The following KMT2C variants were observed in gnomAD, a reference collection of about 807,000 sequenced individuals.
The protein encoded by KMT2C is histone-lysine N-methyltransferase 2C.
In KMT2C, 88 loss-of-function variants were observed where a neutral mutation model predicts 507.9. The observed-to-expected ratio is 0.17, with a 90% CI of 0.15 to 0.21. The LOEUF (loss-of-function observed/expected upper bound fraction) is 0.21. Ranked by LOEUF, KMT2C falls within the 10% of genes least tolerant of loss-of-function variation. KMT2C has a pLI of 1.00. For synonymous variants in KMT2C, 2,049 were observed against 2,080.8 expected (o/e 0.98, Z 0.42); for missense variants, 4,954 against 5,957.8 (o/e 0.83, Z 5.55).
At position 152,220,628 on chromosome 7, in the gene KMT2C, T is replaced by G; in HGVS notation, c.3607A>C (p.Lys1203Gln). 6.2e-7 allele frequency: 1 copy of G among 1,611,968 alleles called. No homozygotes were observed. Among genetic ancestry groups the G allele is most frequent in the Non-Finnish European group, 8.5e-7 (1 of 1,179,808 alleles). ...TVPRRKRSKP[K>Q]LKLKIINQNS... ...TGATTTATAATCTTCAATTTCAATT[T>G]TGGTTTTGACCGTTTTCTTCTTGGA... Residue 1203 changes from lysine (K) to glutamine (Q), a missense_variant, in exon 23 of 59, where the codon AAA (lysine) becomes CAA (glutamine). This residue lies in a region of KMT2C where 176 missense variants were observed against 262.0 expected (regional missense o/e 0.67). Transcript: ENST00000262189.
chr7:152,276,605 T>G (rs1363349303), intron 6 of KMT2C, among the ~76,000 whole-genome samples: 1 of 151,954 alleles, frequency 6.6e-6, no homozygotes, highest in Non-Finnish European at 1.5e-5. Flanking sequence ...ATACAATAAT[T>G]AGGTGGGCAT....
At position 152,162,851 on chromosome 7, in the gene KMT2C, T is replaced by C. The variant is rs566345741; in HGVS notation, c.10726A>G (p.Ile3576Val). The change falls in exon 43 of 59, where the codon ATA (isoleucine) becomes GTA (valine). Residue 3576 changes from isoleucine (I) to valine (V), a missense_variant. Physicochemically the swap from Ile to Val is conservative, Grantham distance 29 (BLOSUM62 3). Coordinates refer to ENST00000262189, the MANE Select transcript of KMT2C (RefSeq NM_170606.3). ...SSLPCGQDST[I>V]THGHSYPGST... The stretch of plus-strand genomic sequence containing the variant: ...CCCGGATAACTGTGTCCATGGGTTA[T>C]AGTAGAATCTTGGCCACATGGGAGA... The C allele has an allele frequency of 1.1e-5, 18 of 1,614,214 alleles. No individual in the cohort carries two copies. The highest frequency in any genetic ancestry group is 8.9e-5 in the East Asian group (4 of 44,882).
chr7:152,254,267 A>G (rs1042876580), intron 9 of KMT2C, among the ~76,000 whole-genome samples: 5 of 140,166 alleles, frequency 3.6e-5, no homozygotes, highest in South Asian at 2.1e-4. Flanking sequence ...ACATACACAT[A>G]TATTTTTTAA....
chr7:152,162,758 T>C lies in KMT2C; in HGVS notation c.10819A>G (p.Thr3607Ala). Residue 3607 changes from threonine to alanine, a missense_variant, in exon 43 of 59, where the codon ACA becomes GCA. By Grantham distance (58) the Thr-to-Ala change is moderately conservative. This residue lies in a region of KMT2C where 801 missense variants were observed against 751.2 expected (regional missense o/e 1.07). Coordinates refer to ENST00000262189, the MANE Select transcript of KMT2C (RefSeq NM_170606.3). The stretch of plus-strand genomic sequence containing the variant: ...TCATCATCTCTTTTCTTCTTTCTTG[T>C]TCTTTTCTTTTTCCCTTTTTCCTCT... ...IPEEKGKKKRTRKKKRDDDAE... is the reference protein window; with the variant it reads ...IPEEKGKKKRARKKKRDDDAE... The C allele has an allele frequency of 6.2e-7, 1 of 1,614,200 alleles. No homozygotes were observed. Among genetic ancestry groups the C allele is most frequent in the Non-Finnish European group, 8.5e-7 (1 of 1,180,028 alleles).
At position 152,180,987 on chromosome 7, in the gene KMT2C, G is replaced by A. The variant is rs2129119470; in HGVS notation, c.6873C>T (p.Ser2291=). Residue 2291 remains serine (S), a synonymous_variant, in exon 36 of 59, where the codon TCC becomes TCT. Transcript: ENST00000262189. ...CATAGGGATCACGGGCAGCAGATGG[G>A]GAAACACGGCTAAATGTGTCTGAAA... ...PGLSDTFSRV[S]PSAARDPYDQ... is the part of the protein sequence containing the mutation. 1 of 1,614,164 alleles carries A rather than the reference G, an allele frequency of 6.2e-7. No homozygotes were observed. The highest frequency in any genetic ancestry group is 8.5e-7 in the Non-Finnish European group (1 of 1,180,016).
intron 6 of KMT2C, among the ~76,000 whole-genome samples, chr7:152,274,122 T>G (rs4024469): frequency 5.6e-5 from 8 of 142,448 alleles, no homozygotes; most frequent in East Asian, 4.2e-4. Context: ...AAAATAAATT[T>G]TGAAGCATTT....
At chr7:152,358,776 ATAAG>A in intron 1 of KMT2C, 101 bp from the exon 2 acceptor site, 1 of 716,462 alleles carries the variant, frequency 1.4e-6, no homozygotes, top group African/African-American at 1.8e-5. Flanking sequence ...GGTATACAAA[ATAAG>A]TAATTAGGGC....
At chr7:152,337,183 T>C (rs1041371271) in intron 2 of KMT2C, among the ~76,000 whole-genome samples, 1 of 152,058 alleles carries the variant, frequency 6.6e-6, no homozygotes, top group Admixed American at 6.6e-5. Flanking sequence ...GGTGGAAGAA[T>C]CACTTGAGCC....
At position 152,148,601 on chromosome 7, in the gene KMT2C, A is replaced by G. The variant is rs2091358223; in HGVS notation, c.13326T>C (p.Thr4442=). Residue 4442 remains threonine, a synonymous_variant, in exon 52 of 59, where the codon ACT becomes ACC. Transcript: ENST00000262189. The surrounding 1 kb of genome is among the most constrained non-coding windows in gnomAD (Gnocchi z 7.1). ...CALWSTEVYE[T]QAGALINVEL... ...CCACATTTATTAAGGCACCAGCCTG[A>G]GTCTCATAGACCTCCGTGGACCACA... 1 of 1,614,214 alleles carries G rather than the reference A, an allele frequency of 6.2e-7. No homozygotes were observed. The highest frequency in any genetic ancestry group is 8.5e-7 in the Non-Finnish European group (1 of 1,180,026).
Position 152,178,172 on chromosome 7 carries a change from T to C in KMT2C, c.7443-162A>G, listed in dbSNP as rs569093446. Among the ~76,000 whole-genome samples, 37 of 152,170 alleles carry C rather than the reference T, an allele frequency of 2.4e-4. 1 individual carries two copies. Among genetic ancestry groups the C allele is most frequent in the African/African-American group, 8.7e-4 (36 of 41,522 alleles). On this transcript the variant is annotated intron_variant, in intron 37 of 58. Transcript: ENST00000262189. ...AAAGCTATCACCATTAAAAAGTATT[T>C]ACAGTATTCATATGCAAGTAAGATT...
chr7:152,137,268 A>T (rs2089963384), intron 58 of KMT2C: 1 of 193,424 alleles, frequency 5.2e-6, no homozygotes, highest in South Asian at 1.2e-4. Flanking sequence ...AAAACCCAGA[A>T]GCCTTTCACC....
Position 152,177,888 on chromosome 7 carries a change from A to G in KMT2C, c.7565T>C (p.Met2522Thr), listed in dbSNP as rs1442855768. The change falls in exon 38 of 59, where the codon ATG becomes ACG. Residue 2522 changes from methionine (M) to threonine (T), a missense_variant. Physicochemically the swap from Met to Thr is moderately conservative, Grantham distance 81 (BLOSUM62 -1). This residue lies in a region of KMT2C where 1,689 missense variants were observed against 1,654.3 expected (regional missense o/e 1.02). Transcript: ENST00000262189. ...TTGTGAGTTATTTAAAGGCCTAGGC[A>G]TATCTACAGATACTGATCTTCTTAG... Reference protein sequence around the residue: ...PQLRRSVSVDMPRPLNNSQMN... With the variant: ...PQLRRSVSVDTPRPLNNSQMN... The G allele has an allele frequency of 3.7e-6, 6 of 1,613,662 alleles. No individual in the cohort carries two copies. Among genetic ancestry groups the G allele is most frequent in the African/African-American group, 2.7e-5 (2 of 74,944 alleles).
In KMT2C at chr7:152,167,172, T is replaced by G; in HGVS notation, c.9724A>C (p.Ser3242Arg). The change falls in exon 42 of 59, where the codon AGC (serine) becomes CGC (arginine). Residue 3242 changes from serine to arginine, a missense_variant. Ser to Arg is a moderately radical substitution (Grantham distance 110, BLOSUM62 -1). Coordinates refer to ENST00000262189, the MANE Select transcript of KMT2C (RefSeq NM_170606.3). ...EQLKHVTEQQSMVQKQLEQIR... is the reference protein window; with the variant it reads ...EQLKHVTEQQRMVQKQLEQIR... ...TGTTCTAGCTGTTTCTGAACCATGC[T>G]TTGCTGTTCAGTAACATGCTTGAGT... 6.2e-7 allele frequency: 1 copy of G among 1,614,090 alleles called. No homozygotes were observed. Among genetic ancestry groups the G allele is most frequent in the East Asian group, 2.2e-5 (1 of 44,880 alleles).
In KMT2C at chr7:152,144,107, A is replaced by T. The variant is rs1241451126; in HGVS notation, c.14343+606T>A. 6.6e-6 allele frequency among the ~76,000 whole-genome samples: 1 copy of T among 152,224 alleles called. No homozygotes were observed. The highest frequency in any genetic ancestry group is 1.5e-5 in the Non-Finnish European group (1 of 68,036). Reference sequence around the variant, plus strand: ...AGCTTGTAGGATGGCGGGGTTTAGGAGCTGGACAAGTTTGACAAAGTAAGA... The same window carrying T: ...AGCTTGTAGGATGGCGGGGTTTAGGTGCTGGACAAGTTTGACAAAGTAAGA... On this transcript the variant is annotated intron_variant, in intron 55 of 58. Coordinates refer to ENST00000262189, the MANE Select transcript of KMT2C (RefSeq NM_170606.3). The surrounding 1 kb of genome is among the most constrained non-coding windows in gnomAD (Gnocchi z 4.4).
At chr7:152,367,966 A>G (rs1411991542) in intron 1 of KMT2C, 14 of 917,500 alleles carry the variant, frequency 1.5e-5, no homozygotes, top group Non-Finnish European at 2.1e-5. Context: ...GAATGCCAAC[A>G]GTTTAAAAAA....
At chr7:152,415,506 T>C (rs991637909) in intron 1 of KMT2C, among the ~76,000 whole-genome samples, 49 of 152,286 alleles carry the variant, frequency 3.2e-4, no homozygotes, top group South Asian at 1.7e-3. Flanking sequence ...AAATTAATGA[T>C]ACGAAACAGT....
intron 7 of KMT2C, among the ~76,000 whole-genome samples, chr7:152,272,524 TTGC>T (rs1161569120): frequency 7.9e-5 from 12 of 152,202 alleles, no homozygotes; most frequent in African/African-American, 2.7e-4. Context: ...GTTTATGCAC[TTGC>T]TGAAGTAACT....
At chr7:152,205,303 T>C in intron 24 of KMT2C, 78 bp from the exon 25 acceptor site, 1 of 1,085,506 alleles carries the variant, frequency 9.2e-7, no homozygotes, top group South Asian at 1.7e-5. Context: ...AAAACTGCTT[T>C]ATCTTGAATA....
At chr7:152,220,487 T>C (rs1262573215) in intron 23 of KMT2C, 36 bp downstream of exon 23, 1 of 1,456,450 alleles carries the variant, frequency 6.9e-7, no homozygotes, top group African/African-American at 1.4e-5. Flanking sequence ...CTTTAATTCT[T>C]GCACACATAT....
Sources: allele counts gnomAD v4.1 joint callset (sites outside exome capture counted in the v4.1 genomes callset), GRCh38; gene constraint gnomAD v4.1.1; regional missense constraint gnomAD v4.1.1; non-coding constraint Gnocchi (gnomAD v3.1); transcripts MANE v1.5; gene names NCBI Gene and HGNC (gene_info 2026-07-23, HGNC 2026-07-21).